Variants in PDE7B observed in about 807,000 individuals in gnomAD.
PDE7B encodes phosphodiesterase 7B, also known as 3',5'-cyclic-AMP phosphodiesterase 7B.
Under a neutral mutation model 56.2 loss-of-function variants are expected in PDE7B, and 29 were observed. The ratio of observed to expected loss-of-function variants is 0.52; its 90% CI spans 0.38 to 0.70. PDE7B has a LOEUF of 0.70. Among genes scored for constraint, PDE7B ranks in the 30% least tolerant of loss-of-function variants. The pLI is 0.00. For synonymous variants in PDE7B, 197 were observed against 196.9 expected (o/e 1.00, Z 0.00); for missense variants, 490 against 565.0 (o/e 0.87, Z 1.35).
intron 2 of PDE7B, among the ~76,000 whole-genome samples, chr6:136,105,302 A>C (rs984845638): frequency 7.2e-5 from 11 of 152,346 alleles, no homozygotes; most frequent in African/African-American, 2.6e-4. Context: ...ACATTACGTA[A>C]GAAAAAGTTA....
intron 2 of PDE7B, among the ~76,000 whole-genome samples, chr6:136,087,687 G>A (rs565468874): frequency 9.2e-5 from 14 of 152,206 alleles, no homozygotes; most frequent in African/African-American, 3.4e-4. Flanking sequence ...TAATTAAACA[G>A]CATCGGCTTC....
At chr6:136,104,177 G>T (rs1206270802) in intron 2 of PDE7B, among the ~76,000 whole-genome samples, 3 of 146,560 alleles carry the variant, frequency 2.0e-5, no homozygotes, top group Non-Finnish European at 4.4e-5. Flanking sequence ...GCCTGAAGGG[G>T]CAAAAAAAAG....
At chr6:136,177,711 C>T (rs548373146) in intron 9 of PDE7B, among the ~76,000 whole-genome samples, 2 of 152,258 alleles carry the variant, frequency 1.3e-5, no homozygotes, top group South Asian at 4.1e-4. Context: ...AAATAATTGG[C>T]ATTATCTAGT....
chr6:135,967,319 T>A (rs1267089669), intron 2 of PDE7B, among the ~76,000 whole-genome samples: 1 of 152,112 alleles, frequency 6.6e-6, no homozygotes, highest in Non-Finnish European at 1.5e-5. Flanking sequence ...TGAGTTTGAA[T>A]GAAATAACAA....
intron 2 of PDE7B, among the ~76,000 whole-genome samples, chr6:136,015,650 G>A (rs955642746): frequency 8.6e-5 from 13 of 152,034 alleles, no homozygotes; most frequent in African/African-American, 2.2e-4. Flanking sequence ...ACACTGAGTC[G>A]CTGGCATTCA....
chr6:136,002,296 T>C (rs1334774130), intron 2 of PDE7B, among the ~76,000 whole-genome samples: 1 of 152,100 alleles, frequency 6.6e-6, no homozygotes, highest in Non-Finnish European at 1.5e-5. Context: ...CATCAACTAA[T>C]GAGCAAAATA....
chr6:136,047,452 A>G (rs1353541848), intron 2 of PDE7B: 2 of 152,198 alleles, frequency 1.3e-5, no homozygotes, highest in African/African-American at 4.8e-5. Flanking sequence ...AAATTCTGAG[A>G]GCTCTTCTCC....
intron 1 of PDE7B, among the ~76,000 whole-genome samples, chr6:135,885,764 A>G (rs529267489): frequency 1.3e-5 from 2 of 152,366 alleles, no homozygotes; most frequent in South Asian, 4.1e-4. Flanking sequence ...TGTGATGACT[A>G]GAAGAAAGAA....
intron 2 of PDE7B, chr6:136,037,655 T>C: frequency 1.0e-6 from 1 of 985,418 alleles, no homozygotes; most frequent in Non-Finnish European, 1.2e-6. Flanking sequence ...CCTGAGCCTG[T>C]ACCACAGGGG....
chr6:135,852,004 T>C lies in PDE7B; in HGVS notation c.6T>C (p.Ser2=), dbSNP rs767534623. The C allele has an allele frequency of 5.4e-5, 87 of 1,609,758 alleles. No individual in the cohort carries two copies. The highest frequency in any genetic ancestry group is 7.2e-5 in the Non-Finnish European group (85 of 1,176,074). ...AGAACTGCCACTATGGTTAAATGTC[T>C]TGTTTAATGGTTGAGGTATGTACAA... is the stretch of plus-strand genomic sequence containing the variant. M[S]CLMVERCGEI... The change falls in exon 1 of 13, where the codon TCT becomes TCC. Residue 2 remains serine (S), a synonymous_variant. Coordinates refer to ENST00000308191, the MANE Select transcript of PDE7B (RefSeq NM_018945.4).
intron 2 of PDE7B, among the ~76,000 whole-genome samples, chr6:135,966,632 CCT>C (rs991316430): frequency 7.9e-5 from 12 of 152,090 alleles, no homozygotes; most frequent in African/African-American, 2.4e-4. Context: ...CAGGCTTTGG[CCT>C]CTCTGATGCC....
intron 2 of PDE7B, among the ~76,000 whole-genome samples, chr6:136,098,766 A>G (rs914519099): frequency 1.4e-5 from 2 of 146,012 alleles, no homozygotes; most frequent in African/African-American, 2.6e-5. Context: ...CCTTTTCCTC[A>G]CCTACTTTTC....
chr6:136,143,146 G>A (rs930424434), intron 3 of PDE7B, among the ~76,000 whole-genome samples: 1 of 152,018 alleles, frequency 6.6e-6, no homozygotes, highest in African/African-American at 2.4e-5. Flanking sequence ...GGCAGGCCTG[G>A]TGGTGACAAA....
chr6:136,176,752 C>A (rs941469612), intron 9 of PDE7B, among the ~76,000 whole-genome samples: 6 of 152,080 alleles, frequency 3.9e-5, no homozygotes, highest in African/African-American at 1.4e-4. Flanking sequence ...TACTCCCTAA[C>A]AAAGAATGAG....
At chr6:136,028,150 T>G (rs145751047) in intron 2 of PDE7B, among the ~76,000 whole-genome samples, 9 of 152,218 alleles carry the variant, frequency 5.9e-5, no homozygotes, top group Non-Finnish European at 1.3e-4. Flanking sequence ...ATGAATGAAT[T>G]AAGGGCGCAG....
chr6:136,193,186 A>G lies in PDE7B; in HGVS notation c.*1346A>G, dbSNP rs1224983063. 1 of 152,638 alleles carries G rather than the reference A, an allele frequency of 6.6e-6. No individual in the cohort carries two copies. Among genetic ancestry groups the G allele is most frequent in the African/African-American group, 2.4e-5 (1 of 41,468 alleles). 9.5% of individuals were successfully genotyped at this position (152,638 alleles called of 1,614,324 possible). ...CTCAGAAACCTTCTATGACCCTGTC[A>G]TCTAACCATCAGGGAATTCCCTGCT... is the stretch of plus-strand genomic sequence containing the variant. On this transcript the variant is annotated 3_prime_UTR_variant, in exon 13 of 13. Coordinates refer to ENST00000308191, the MANE Select transcript of PDE7B (RefSeq NM_018945.4).
At chr6:136,123,177 T>C (rs1777967097) in intron 3 of PDE7B, among the ~76,000 whole-genome samples, 4 of 152,026 alleles carry the variant, frequency 2.6e-5, no homozygotes, top group African/African-American at 9.7e-5. Flanking sequence ...ATAGCAAGAC[T>C]CTATCTCTAC....
chr6:135,982,897 C>T (rs1375798705), intron 2 of PDE7B, among the ~76,000 whole-genome samples: 2 of 152,160 alleles, frequency 1.3e-5, no homozygotes, highest in African/African-American at 4.8e-5. Context: ...CCCTCATGTC[C>T]TCTAAAGGCT....
chr6:135,984,550 C>G (rs751116646), intron 2 of PDE7B, among the ~76,000 whole-genome samples: 1 of 152,112 alleles, frequency 6.6e-6, no homozygotes, highest in Admixed American at 6.5e-5. Context: ...CAATGTCTCA[C>G]GTGGCACATG....
Sources: gnomAD v4.1 joint callset for allele counts (sites outside exome capture counted in the v4.1 genomes callset) on GRCh38, gnomAD v4.1.1 for gene constraint, MANE v1.5 for transcripts, NCBI Gene and HGNC (gene_info 2026-07-23, HGNC 2026-07-21) for gene names.